The following NUP214 variants were observed in gnomAD, a reference collection of about 807,000 sequenced individuals.
NUP214 encodes nucleoporin 214, also known as nuclear pore complex protein Nup214.
Under a neutral mutation model 196.2 loss-of-function variants are expected in NUP214, and 79 were observed. The ratio of observed to expected loss-of-function variants is 0.40; its 90% CI spans 0.34 to 0.49. The LOEUF is 0.49. Ranked by LOEUF, NUP214 falls within the 20% of genes least tolerant of loss-of-function variation. The pLI is 0.58. For synonymous variants in NUP214, 1,020 were observed against 990.5 expected, an observed-to-expected ratio of 1.03 and a Z score of -0.56; for missense variants, 2,468 against 2,539.0, an observed-to-expected ratio of 0.97 and a Z score of 0.60.
chr9:131,133,806 A>G (rs934342870), intron 7 of NUP214: 1 of 152,224 alleles, frequency 6.6e-6, no homozygotes, highest in South Asian at 2.1e-4. Flanking sequence ...GCAAGACAGT[A>G]TCTTGATTTT....
intron 18 of NUP214, 73 bp from the exon 19 acceptor site, chr9:131,162,918 G>A: frequency 6.9e-7 from 1 of 1,442,102 alleles, no homozygotes; most frequent in Non-Finnish European, 9.7e-7. Context: ...TTGTAGTCTT[G>A]TTTGTTTTTT....
chr9:131,155,255 AT>A (rs949069024), intron 17 of NUP214, among the ~76,000 whole-genome samples: 2 of 152,112 alleles, frequency 1.3e-5, no homozygotes, highest in South Asian at 2.1e-4. Context: ...GATGTTAAGC[AT>A]TTTTTTGGAT....
At chr9:131,176,510 G>A (rs1177376717) in intron 23 of NUP214, among the ~76,000 whole-genome samples, 4 of 151,792 alleles carry the variant, frequency 2.6e-5, no homozygotes, top group African/African-American at 9.7e-5. Context: ...AAAAATTTTT[G>A]TAGAGACAGG....
In NUP214 at chr9:131,232,263, C is replaced by T; in HGVS notation, c.6215-21C>T. Reference sequence around the variant, plus strand: ...TTCGAGTGGATGCGTGCTTTAACTTCACTCTTATTCTGCTTTTCAGGGTTC... The same window carrying T: ...TTCGAGTGGATGCGTGCTTTAACTTTACTCTTATTCTGCTTTTCAGGGTTC... On this transcript the variant is annotated intron_variant, in intron 34 of 35. Coordinates refer to ENST00000359428, the MANE Select transcript of NUP214 (RefSeq NM_005085.4). This position sits in a 1 kb window ranked among gnomAD's most constrained non-coding sequence, Gnocchi z 5.1. 6.2e-7 allele frequency: 1 copy of T among 1,614,114 alleles called. No homozygotes were observed. The highest frequency in any genetic ancestry group is 8.5e-7 in the Non-Finnish European group (1 of 1,179,934).
In NUP214 at chr9:131,146,292, C is replaced by G. The variant is rs368586981; in HGVS notation, c.1933C>G (p.Pro645Ala). The G allele has an allele frequency of 6.2e-7, 1 of 1,614,144 alleles. No individual in the cohort carries two copies. The highest frequency in any genetic ancestry group is 8.5e-7 in the Non-Finnish European group (1 of 1,179,992). Reference protein sequence around the residue: ...SSVPLKSSVLPSPSGRSAQGS... With the variant: ...SSVPLKSSVLASPSGRSAQGS... ...CGTGCCATTGAAGTCCTCAGTCTTGCCCTCACCATCAGGTATGATTTTAAG... is the reference window on the plus strand; with the variant it reads ...CGTGCCATTGAAGTCCTCAGTCTTGGCCTCACCATCAGGTATGATTTTAAG... Residue 645 changes from proline to alanine, a missense_variant, in exon 13 of 36, where the codon CCC (proline) becomes GCC (alanine). Pro to Ala is a conservative substitution (Grantham distance 27). This residue lies in a region of NUP214 where 1,801 missense variants were observed against 1,779.4 expected (regional missense o/e 1.01). Coordinates refer to ENST00000359428, the MANE Select transcript of NUP214 (RefSeq NM_005085.4). The surrounding 1 kb of genome is among the most constrained non-coding windows in gnomAD (Gnocchi z 4.6).
In NUP214 at chr9:131,163,895, T is replaced by C; in HGVS notation, c.2749T>C (p.Cys917Arg). 6.2e-7 allele frequency: 1 copy of C among 1,614,160 alleles called. No individual in the cohort carries two copies. The highest frequency in any genetic ancestry group is 1.1e-5 in the South Asian group (1 of 91,076). Reference sequence around the variant, plus strand: ...TTTTGACAGTGACCTGGAAAGCCTGTGCAATGCTTTGTTGAAAACCACCAT... The same window carrying C: ...TTTTGACAGTGACCTGGAAAGCCTGCGCAATGCTTTGTTGAAAACCACCAT... Reference protein sequence around the residue: ...HSFDSDLESLCNALLKTTIES... With the variant: ...HSFDSDLESLRNALLKTTIES... The change falls in exon 20 of 36, where the codon TGC becomes CGC. Residue 917 changes from cysteine to arginine, a missense_variant. Cys to Arg is a radical substitution (Grantham distance 180, BLOSUM62 -3). This residue lies in a region of NUP214 where 1,801 missense variants were observed against 1,779.4 expected (regional missense o/e 1.01). Coordinates refer to ENST00000359428, the MANE Select transcript of NUP214 (RefSeq NM_005085.4).
Position 131,197,720 on chromosome 9 carries a change from C to T in NUP214, c.4226C>T (p.Ala1409Val), listed in dbSNP as rs1833831361. 1 of 1,614,224 alleles carries T rather than the reference C, an allele frequency of 6.2e-7. No individual in the cohort carries two copies. The highest frequency in any genetic ancestry group is 1.3e-5 in the African/African-American group (1 of 75,050). Residue 1409 changes from alanine to valine, a missense_variant, in exon 29 of 36, where the codon GCC (alanine) becomes GTC (valine). Ala to Val is a moderately conservative substitution (Grantham distance 64). This residue lies in a region of NUP214 where 1,801 missense variants were observed against 1,779.4 expected (regional missense o/e 1.01). Coordinates refer to ENST00000359428, the MANE Select transcript of NUP214 (RefSeq NM_005085.4). ...PPAATSTSST[A>V]VFGSLPVTSA... ...GCAGCCACCAGCACTTCCTCAACTG[C>T]CGTTTTTGGCAGTCTGCCAGTCACC...
rs376840935 is a variant in NUP214, at chr9:131,129,381, G to A, written c.496G>A (p.Ala166Thr). ...KWNPTVPSMV[A>T]VCLADGSIAV... Reference sequence around the variant, plus strand: ...GAACCCCACTGTCCCCTCCATGGTGGCAGTTTGTCTGGCTGATGGTAGTAT... The same window carrying A: ...GAACCCCACTGTCCCCTCCATGGTGACAGTTTGTCTGGCTGATGGTAGTAT... The change falls in exon 4 of 36, where the codon GCA (alanine) becomes ACA (threonine). Residue 166 changes from alanine (A) to threonine (T), a missense_variant. Physicochemically the swap from Ala to Thr is moderately conservative, Grantham distance 58. Transcript: ENST00000359428. 1.2e-5 allele frequency: 20 copies of A among 1,613,988 alleles called. No homozygotes were observed. The African/African-American group carries it at 2.7e-4, about 22-fold the overall frequency.
chr9:131,215,429 T>C, intron 31 of NUP214, 61 bp downstream of exon 31: 1 of 1,375,616 alleles, frequency 7.3e-7, no homozygotes, highest in Non-Finnish European at 9.5e-7. Context: ...ATTCTTAGGG[T>C]GTTATCAAAG....
intron 21 of NUP214, among the ~76,000 whole-genome samples, chr9:131,172,719 C>G (rs937826893): frequency 6.6e-6 from 1 of 152,210 alleles, no homozygotes; most frequent in Non-Finnish European, 1.5e-5. Context: ...TGGCTACTGG[C>G]TACCAAATTG....
chr9:131,158,918 T>C (rs1832540815), intron 17 of NUP214: 1 of 152,852 alleles, frequency 6.5e-6, no homozygotes, highest in Non-Finnish European at 1.5e-5. Flanking sequence ...GGCTAATTTT[T>C]GTGTTTTTAG....
chr9:131,138,188 C>G (rs138551946), intron 9 of NUP214, among the ~76,000 whole-genome samples: 7 of 150,842 alleles, frequency 4.6e-5, no homozygotes, highest in African/African-American at 1.7e-4. Context: ...CTTCTCCTTC[C>G]TTTTCCTTCC....
At chr9:131,131,683 TTTA>T (rs1306303195) in intron 5 of NUP214, among the ~76,000 whole-genome samples, 3 of 152,130 alleles carry the variant, frequency 2.0e-5, no homozygotes, top group African/African-American at 4.8e-5. Context: ...TTTTTATTTA[TTTA>T]TTATTATTTT....
chr9:131,189,028 A>G lies in NUP214; in HGVS notation c.3496-25A>G, dbSNP rs763808509. 5 of 1,544,578 alleles carry G rather than the reference A, an allele frequency of 3.2e-6. No homozygotes were observed. The East Asian group carries it at 1.1e-4, about 35-fold the overall frequency. On this transcript the variant is annotated intron_variant, in intron 25 of 35. Coordinates refer to ENST00000359428, the MANE Select transcript of NUP214 (RefSeq NM_005085.4). ...AAGAATGGTTAGTGGTTTAACATAA[A>G]CATTTTGCTTGCATTCTGTTATAGG...
intron 17 of NUP214, among the ~76,000 whole-genome samples, chr9:131,152,132 G>A (rs1329723184): frequency 6.6e-6 from 1 of 151,784 alleles, no homozygotes; most frequent in Non-Finnish European, 1.5e-5. Context: ...TTTTTCTTGA[G>A]ACAGGGTCTT....
Position 131,198,746 on chromosome 9 carries a change from G to C in NUP214, c.5252G>C (p.Ser1751Thr). The change falls in exon 29 of 36, where the codon AGT becomes ACT. Residue 1751 changes from serine to threonine, a missense_variant. By Grantham distance (58) the Ser-to-Thr change is moderately conservative. This residue lies in a region of NUP214 where 1,801 missense variants were observed against 1,779.4 expected (regional missense o/e 1.01). Coordinates refer to ENST00000359428, the MANE Select transcript of NUP214 (RefSeq NM_005085.4). ...TTTTCCTTCAGTCAGCCTGGGTTCA[G>C]TTCCGTGCCTGCCTTCGGTCAGCCT... ...SVFSFSQPGF[S>T]SVPAFGQPAS... The C allele has an allele frequency of 6.2e-7, 1 of 1,614,216 alleles. No homozygotes were observed. The highest frequency in any genetic ancestry group is 8.5e-7 in the Non-Finnish European group (1 of 1,180,046).
chr9:131,189,699 A>G (rs1004092594), intron 26 of NUP214, among the ~76,000 whole-genome samples: 4 of 152,224 alleles, frequency 2.6e-5, no homozygotes, highest in African/African-American at 9.6e-5. Context: ...TAGTTTTCAC[A>G]GTAACCATGA....
intron 13 of NUP214, among the ~76,000 whole-genome samples, chr9:131,147,140 C>T (rs1050971230): frequency 6.6e-6 from 1 of 152,098 alleles, no homozygotes; most frequent in South Asian, 2.1e-4. Context: ...GCATGTACCA[C>T]CACCGTCGGC....
intron 30 of NUP214, among the ~76,000 whole-genome samples, chr9:131,212,012 G>C (rs1161678699): frequency 5.9e-5 from 9 of 152,176 alleles, no homozygotes; most frequent in African/African-American, 1.9e-4. Context: ...AAATAACACT[G>C]AGTTCTTTTT....
Sources: allele counts gnomAD v4.1 joint callset (sites outside exome capture counted in the v4.1 genomes callset), GRCh38; gene constraint gnomAD v4.1.1; regional missense constraint gnomAD v4.1.1; non-coding constraint Gnocchi (gnomAD v3.1); transcripts MANE v1.5; gene names NCBI Gene and HGNC (gene_info 2026-07-23, HGNC 2026-07-21).